SV2C: variants seen among roughly 807,000 people sequenced by gnomAD.
SV2C encodes the protein synaptic vesicle glycoprotein 2C.
SV2C carries 49 observed loss-of-function variants against 79.7 expected under a neutral mutation model. That is an observed-to-expected ratio of 0.61 (90% CI 0.49 to 0.78). The LOEUF (loss-of-function observed/expected upper bound fraction) is 0.78. Ranked by LOEUF, SV2C falls within the 30% of genes least tolerant of loss-of-function variation. The pLI, the probability that SV2C is intolerant of heterozygous loss-of-function variation, is 0.00. For synonymous variants in SV2C, 334 were observed against 333.2 expected, an observed-to-expected ratio of 1.00 and a Z score of -0.03; for missense variants, 833 against 912.9, an observed-to-expected ratio of 0.91 and a Z score of 1.13.
At chr5:75,867,620 T>C in the SV2C span, among the ~76,000 whole-genome samples, 1 of 152,242 alleles carries the variant, frequency 6.6e-6, no homozygotes, top group African/African-American at 2.4e-5. Flanking sequence ...TTTGTGATTG[T>C]AAAGCATACA....
Position 76,330,129 on chromosome 5 carries a change from A to G in SV2C, c.*4582A>G, listed in dbSNP as rs886198114. 6.6e-6 allele frequency: 1 copy of G among 151,060 alleles called. No individual in the cohort carries two copies. Among genetic ancestry groups the G allele is most frequent in the African/African-American group, 2.4e-5 (1 of 41,106 alleles). 9.4% of individuals were successfully genotyped at this position (151,060 alleles called of 1,614,324 possible). A position where few individuals can be genotyped will look rare whatever the true frequency, so the allele number is the denominator to read the frequency against. Reference sequence around the variant, plus strand: ...TGTGTGTCCCTTCATTGTTTCAGGTATGGCGTAACAGTTCTCCGTGTGATG... The same window carrying G: ...TGTGTGTCCCTTCATTGTTTCAGGTGTGGCGTAACAGTTCTCCGTGTGATG... On this transcript the variant is annotated 3_prime_UTR_variant, in exon 13 of 13. Coordinates refer to ENST00000502798, the MANE Select transcript of SV2C (RefSeq NM_014979.4).
chr5:76,195,021 A>G lies in SV2C; in HGVS notation c.683A>G (p.Asn228Ser). Reference protein sequence around the residue: ...KQSLLICMSVNGFFAFLSSFV... With the variant: ...KQSLLICMSVSGFFAFLSSFV... ...TCTCTTCTGATTTGCATGTCTGTCA[A>G]CGGATTCTTTGCCTTCCTTTCTTCA... The change falls in exon 3 of 13, where the codon AAC (asparagine) becomes AGC (serine). Residue 228 changes from asparagine (N) to serine (S), a missense_variant. Coordinates refer to ENST00000502798, the MANE Select transcript of SV2C (RefSeq NM_014979.4). 1 of 1,614,148 alleles carries G rather than the reference A, an allele frequency of 6.2e-7. No individual in the cohort carries two copies. The highest frequency in any genetic ancestry group is 8.5e-7 in the Non-Finnish European group (1 of 1,179,980).
At chr5:76,140,692 G>C (rs1749224160) in intron 2 of SV2C, among the ~76,000 whole-genome samples, 1 of 151,336 alleles carries the variant, frequency 6.6e-6, no homozygotes, top group Admixed American at 6.6e-5. Flanking sequence ...TCCTCTTTTA[G>C]CTTTATTCCA....
At chr5:76,251,660 C>A (rs1221398962) in intron 4 of SV2C, among the ~76,000 whole-genome samples, 1 of 152,188 alleles carries the variant, frequency 6.6e-6, no homozygotes, top group Non-Finnish European at 1.5e-5. Context: ...ATCTCTAACA[C>A]AACCCCAGGT....
the SV2C span, among the ~76,000 whole-genome samples, chr5:76,066,244 T>G: frequency 5.3e-5 from 8 of 152,012 alleles, no homozygotes; most frequent in South Asian, 1.7e-3. Context: ...GTGGCACATA[T>G]ACACCATGGA....
At chr5:76,274,343 A>T (rs574725908) in intron 4 of SV2C, among the ~76,000 whole-genome samples, 1 of 152,220 alleles carries the variant, frequency 6.6e-6, no homozygotes, top group East Asian at 1.9e-4. Flanking sequence ...AAAAAGTAAA[A>T]GTCCTCATGA....
At chr5:76,212,699 C>T (rs966610120) in intron 4 of SV2C, among the ~76,000 whole-genome samples, 9 of 152,264 alleles carry the variant, frequency 5.9e-5, no homozygotes, top group African/African-American at 1.9e-4. Flanking sequence ...CTGCAGCCTA[C>T]GTGTGTCCGT....
intron 2 of SV2C, among the ~76,000 whole-genome samples, chr5:76,187,924 T>C (rs1743970262): frequency 6.6e-6 from 1 of 152,194 alleles, no homozygotes. Flanking sequence ...ATCACTATTT[T>C]ATTTCTCCGC....
chr5:76,330,431 A>G lies in SV2C; in HGVS notation c.*4884A>G, dbSNP rs921844822. 6.6e-6 allele frequency: 1 copy of G among 152,064 alleles called. No individual in the cohort carries two copies. The highest frequency in any genetic ancestry group is 6.5e-5 in the Admixed American group (1 of 15,274). The allele number at this position is 152,064 out of a possible 1,614,324, so 9.4% of individuals were successfully genotyped here. ...AGTAAATACTTATTGAGCACCTCCC[A>G]TGTGATACGTATTGAGACACTGCTG... is the stretch of plus-strand genomic sequence containing the variant. On this transcript the variant is annotated 3_prime_UTR_variant, in exon 13 of 13. Transcript: ENST00000502798.
the SV2C span, among the ~76,000 whole-genome samples, chr5:75,878,926 G>T: frequency 6.6e-6 from 1 of 152,206 alleles, no homozygotes; most frequent in Non-Finnish European, 1.5e-5. Context: ...TTCTGGTGAG[G>T]ACCTCAGTAA....
intron 12 of SV2C, among the ~76,000 whole-genome samples, chr5:76,317,438 C>T (rs1487541749): frequency 6.6e-6 from 1 of 151,918 alleles, no homozygotes; most frequent in Non-Finnish European, 1.5e-5. Flanking sequence ...GAACCACCCC[C>T]CCCAACACAC....
At chr5:75,858,533 A>G in the SV2C span, among the ~76,000 whole-genome samples, 3 of 152,200 alleles carry the variant, frequency 2.0e-5, no homozygotes, top group African/African-American at 4.8e-5. Context: ...CTTTGCATCA[A>G]AGTTCTTCAG....
chr5:76,167,953 A>T (rs1404669421), intron 2 of SV2C, among the ~76,000 whole-genome samples: 1 of 152,220 alleles, frequency 6.6e-6, no homozygotes, highest in African/African-American at 2.4e-5. Context: ...GACAAAATTC[A>T]TGGAATCCAC....
Position 76,325,600 on chromosome 5 carries a change from C to G in SV2C, c.*53C>G. 1 of 1,596,084 alleles carries G rather than the reference C, an allele frequency of 6.3e-7. No homozygotes were observed. The highest frequency in any genetic ancestry group is 8.5e-7 in the Non-Finnish European group (1 of 1,171,958). On this transcript the variant is annotated 3_prime_UTR_variant, in exon 13 of 13. Transcript: ENST00000502798. Reference sequence around the variant, plus strand: ...TTCTTCCTCCTGCCCTGGGTCAATTCTCCTTCCTGACTCAAGGCTTCAGAG... The same window carrying G: ...TTCTTCCTCCTGCCCTGGGTCAATTGTCCTTCCTGACTCAAGGCTTCAGAG...
intron 4 of SV2C, among the ~76,000 whole-genome samples, chr5:76,267,082 G>A (rs1011266692): frequency 6.6e-6 from 1 of 152,216 alleles, no homozygotes; most frequent in African/African-American, 2.4e-5. Flanking sequence ...CCACCACACG[G>A]TGATTGGGAG....
chr5:76,054,356 G>A, the SV2C span, among the ~76,000 whole-genome samples: 2 of 152,148 alleles, frequency 1.3e-5, no homozygotes, highest in African/African-American at 4.8e-5. Flanking sequence ...GTATTCATTG[G>A]TGCATATGTG....
the SV2C span, among the ~76,000 whole-genome samples, chr5:75,907,390 C>G: frequency 6.6e-6 from 1 of 152,148 alleles, no homozygotes; most frequent in Non-Finnish European, 1.5e-5. Context: ...CTTGTCTGTG[C>G]CAGGTTCTGG....
the SV2C span, among the ~76,000 whole-genome samples, chr5:75,901,475 T>A: frequency 3.3e-4 from 50 of 152,178 alleles, no homozygotes; most frequent in Admixed American, 3.2e-3. Flanking sequence ...CCCGGCCGTG[T>A]GAGGTGTCAG....
intron 4 of SV2C, among the ~76,000 whole-genome samples, chr5:76,273,750 A>G (rs1350566308): frequency 2.0e-5 from 3 of 152,160 alleles, no homozygotes; most frequent in Admixed American, 6.6e-5. Flanking sequence ...GTTTGTTGGA[A>G]TTTAACCCCT....
Sources: allele counts gnomAD v4.1 joint callset (sites outside exome capture counted in the v4.1 genomes callset), GRCh38; gene constraint gnomAD v4.1.1; transcripts MANE v1.5; gene names NCBI Gene and HGNC (gene_info 2026-07-23, HGNC 2026-07-21).